The following ZFHX3 variants were observed in gnomAD, a reference collection of about 807,000 sequenced individuals.
ZFHX3 encodes zinc finger homeobox 3, also known as zinc finger homeobox protein 3.
Under a neutral mutation model 279.1 loss-of-function variants are expected in ZFHX3, and 42 were observed. The observed-to-expected ratio is 0.15, with a 90% confidence interval of 0.12 to 0.19. ZFHX3 has a LOEUF of 0.19. ZFHX3 is among the 10% of genes least tolerant of loss of function. ZFHX3 has a pLI of 1.00. For synonymous variants in ZFHX3, 2,293 were observed against 1,957.8 expected (o/e 1.17, Z -4.52); for missense variants, 4,981 against 4,754.0 (o/e 1.05, Z -1.40).
chr16:72,902,484 T>C (rs538544340), intron 3 of ZFHX3, among the ~76,000 whole-genome samples: 3 of 152,142 alleles, frequency 2.0e-5, no homozygotes, highest in Admixed American at 6.5e-5. Context: ...ATGAGGACAT[T>C]AGTTATGCAT....
chr16:73,694,100 A>T (rs995722428), intron 1 of ZFHX3, among the ~76,000 whole-genome samples: 1 of 152,056 alleles, frequency 6.6e-6, no homozygotes, highest in Non-Finnish European at 1.5e-5. Context: ...AGGCAGGCAA[A>T]TCACTTGAGG....
At chr16:73,472,168 T>A (rs1481651352) in intron 2 of ZFHX3, among the ~76,000 whole-genome samples, 1 of 149,976 alleles carries the variant, frequency 6.7e-6, no homozygotes, top group African/African-American at 2.5e-5. Flanking sequence ...ATTTTACAGA[T>A]GAGAAAACAC....
intron 5 of ZFHX3, among the ~76,000 whole-genome samples, chr16:73,155,971 G>A (rs941593297): frequency 3.3e-5 from 5 of 151,984 alleles, no homozygotes; most frequent in South Asian, 2.1e-4. Context: ...GGTAGCTCAC[G>A]CCTGTAATCT....
At chr16:73,744,273 T>G (rs535338513) in intron 1 of ZFHX3, among the ~76,000 whole-genome samples, 1 of 152,250 alleles carries the variant, frequency 6.6e-6, no homozygotes, top group South Asian at 2.1e-4. Context: ...GTCTCTGGTG[T>G]GCACAGATGG....
At chr16:73,441,381 C>G (rs956358222) in intron 3 of ZFHX3, among the ~76,000 whole-genome samples, 5 of 152,122 alleles carry the variant, frequency 3.3e-5, no homozygotes, top group Non-Finnish European at 5.9e-5. Context: ...ATCCTGAACT[C>G]CCTGTCATTT....
chr16:73,722,289 T>C (rs1827880569), intron 1 of ZFHX3, among the ~76,000 whole-genome samples: 3 of 152,208 alleles, frequency 2.0e-5, no homozygotes. Flanking sequence ...GATTGGTTGA[T>C]GATGCCTTGA....
In ZFHX3 at chr16:72,786,681, A is replaced by ATTTC. The variant is rs2035390359; in HGVS notation, c.*479_*482dup. 6.6e-6 allele frequency: 1 copy of ATTTC among 152,366 alleles called. No homozygotes were observed. Among genetic ancestry groups the ATTTC allele is most frequent in the South Asian group, 2.1e-4 (1 of 4,828 alleles). The allele number at this position is 152,366 out of a possible 1,614,324, so 9.4% of individuals were successfully genotyped here. Reference sequence around the variant, plus strand: ...TGACCTGAGAATAAAAAGACATTACATTTCTTTTTTTCTTTTAGCAAGCCA... The same window carrying ATTTC: ...TGACCTGAGAATAAAAAGACATTACATTTCTTTCTTTTTTTCTTTTAGCAAGCCA... On this transcript the variant is annotated 3_prime_UTR_variant, in exon 10 of 10. Transcript: ENST00000268489.
chr16:72,958,964 G>C lies in ZFHX3; in HGVS notation c.1182C>G (p.Leu394=), dbSNP rs372221238. 3.1e-6 allele frequency: 5 copies of C among 1,598,982 alleles called. No individual in the cohort carries two copies. Among genetic ancestry groups the C allele is most frequent in the Non-Finnish European group, 4.3e-6 (5 of 1,172,876 alleles). Residue 394 remains leucine, a synonymous_variant, in exon 2 of 10, where the codon CTC becomes CTG. Coordinates refer to ENST00000268489, the MANE Select transcript of ZFHX3 (RefSeq NM_006885.4). ...GGTTCAACAGGGTGCTGGGGGTCAA[G>C]AGACCAGCCTGGGGCTGCTCGGGGC... is the stretch of plus-strand genomic sequence containing the variant. ...AAGPEQPQAG[L]LTPSTLLNLG...
At chr16:73,878,590 A>G (rs768293009) in intron 1 of ZFHX3, among the ~76,000 whole-genome samples, 1 of 152,114 alleles carries the variant, frequency 6.6e-6, no homozygotes, top group Non-Finnish European at 1.5e-5. Flanking sequence ...TATTTTTTTC[A>G]TTTGATATAG....
intron 1 of ZFHX3, among the ~76,000 whole-genome samples, chr16:72,995,067 A>G (rs560999480): frequency 2.6e-5 from 4 of 152,252 alleles, no homozygotes; most frequent in African/African-American, 9.6e-5. Context: ...CTGCACTCCA[A>G]TCACCAAAAA....
In ZFHX3 at chr16:73,341,736, C is replaced by T. The variant is rs569961902; in HGVS notation, c.-1290-23400G>A. On this transcript the variant is annotated intron_variant, in intron 3 of 17. Transcript: ENST00000641206. ...ATAAACAAGAGATGGTATATATACA[C>T]AATGGAATACTATTGGGTCATAAAA... Among the ~76,000 whole-genome samples the T allele has an allele frequency of 5.9e-5, 9 of 152,160 alleles. No homozygotes were observed. In the South Asian group the frequency reaches 1.9e-3, roughly 32 times the overall value.
At position 72,786,601 on chromosome 16, in the gene ZFHX3, A is replaced by AC. The variant is rs1298157536; in HGVS notation, c.*562dup. On this transcript the variant is annotated 3_prime_UTR_variant, in exon 10 of 10. Coordinates refer to ENST00000268489, the MANE Select transcript of ZFHX3 (RefSeq NM_006885.4). ...TTCTGGAACAAAAAAAAAAAAAAAA[A>AC]CTGAAAAAACAATAATATATAAAAC... 1 of 151,242 alleles carries AC rather than the reference A, an allele frequency of 6.6e-6. No homozygotes were observed. Among genetic ancestry groups the AC allele is most frequent in the Non-Finnish European group, 1.5e-5 (1 of 67,720 alleles). 9.4% of individuals were successfully genotyped at this position (151,242 alleles called of 1,614,324 possible). A position where few individuals can be genotyped will look rare whatever the true frequency, so the allele number is the denominator to read the frequency against.
chr16:72,966,724 A>G (rs1460398816), intron 1 of ZFHX3, among the ~76,000 whole-genome samples: 2 of 152,242 alleles, frequency 1.3e-5, no homozygotes, highest in African/African-American at 4.8e-5. Flanking sequence ...CCTCGGCTAT[A>G]TGAAACCCTG....
intron 3 of ZFHX3, among the ~76,000 whole-genome samples, chr16:73,422,733 C>T (rs955040193): frequency 6.6e-6 from 1 of 152,178 alleles, no homozygotes; most frequent in African/African-American, 2.4e-5. Context: ...TTAATAATTG[C>T]AGTCATCCTC....
At chr16:73,257,552 C>T (rs758998829) in intron 4 of ZFHX3, among the ~76,000 whole-genome samples, 11 of 152,166 alleles carry the variant, frequency 7.2e-5, no homozygotes, top group Non-Finnish European at 1.5e-4. Context: ...AGAAGGCAAG[C>T]CAAGAAGAGT....
intron 2 of ZFHX3, among the ~76,000 whole-genome samples, chr16:73,563,214 GTGTGTGTGTTTTGT>G (rs1483968367): frequency 8.2e-6 from 1 of 122,502 alleles, no homozygotes; most frequent in Non-Finnish European, 1.7e-5. Flanking sequence ...GTGTGTGTGT[GTGTGTGTGTTTTGT>G]TTTTGTTTTG....
intron 3 of ZFHX3, among the ~76,000 whole-genome samples, chr16:72,900,441 C>T (rs1243470009): frequency 6.6e-6 from 1 of 152,246 alleles, no homozygotes; most frequent in African/African-American, 2.4e-5. Context: ...ATTTTACTTG[C>T]CCTGTCTTAC....
chr16:73,574,123 A>G (rs1195912488), intron 2 of ZFHX3, among the ~76,000 whole-genome samples: 1 of 152,178 alleles, frequency 6.6e-6, no homozygotes, highest in Admixed American at 6.5e-5. Flanking sequence ...CTGTTTTCTT[A>G]TCCCTTTCCC....
chr16:73,054,966 G>T (rs1320251377), intron 1 of ZFHX3, among the ~76,000 whole-genome samples: 1 of 151,254 alleles, frequency 6.6e-6, no homozygotes, highest in African/African-American at 2.4e-5. Context: ...AAACCCAAAA[G>T]ATTTTAATAA....
Sources: allele counts gnomAD v4.1 joint callset (sites outside exome capture counted in the v4.1 genomes callset), GRCh38; gene constraint gnomAD v4.1.1; transcripts MANE v1.5; gene names NCBI Gene and HGNC (gene_info 2026-07-23, HGNC 2026-07-21).